Variants in CSMD1 observed in about 807,000 individuals in gnomAD.
The protein encoded by CSMD1 is CUB and sushi domain-containing protein 1.
A neutral mutation model predicts 417.5 loss-of-function variants in CSMD1; 213 were observed. The observed-to-expected ratio is 0.51, with a 90% CI of 0.46 to 0.57. The LOEUF (loss-of-function observed/expected upper bound fraction) is 0.57, where lower values mean the gene tolerates loss of function less well. CSMD1 is among the 20% of genes least tolerant of loss of function. CSMD1 has a pLI of 0.00. For synonymous variants in CSMD1, 2,862 were observed against 1,736.8 expected, an observed-to-expected ratio of 1.65 and a Z score of -16.11; for missense variants, 6,923 against 4,529.7, an observed-to-expected ratio of 1.53 and a Z score of -15.17.
chr8:4,153,045 C>T (rs1234404788), intron 3 of CSMD1, among the ~76,000 whole-genome samples: 5 of 152,022 alleles, frequency 3.3e-5, no homozygotes, highest in Admixed American at 6.6e-5. Flanking sequence ...TGACTTGTAA[C>T]GTGTTATTAA....
chr8:4,722,366 A>G lies in CSMD1; in HGVS notation c.86-84808T>C, dbSNP rs561051040. On this transcript the variant is annotated intron_variant, in intron 1 of 69. Coordinates refer to ENST00000635120, the MANE Select transcript of CSMD1 (RefSeq NM_033225.6). ...CAGATTTTAATTTTATCAAAGGCAA[A>G]CTTAACTAAATATGGCTACTTCTCC... 1.1e-4 allele frequency among the ~76,000 whole-genome samples: 16 copies of G among 152,268 alleles called. No individual in the cohort carries two copies. In the Middle Eastern group the frequency reaches 0.01, roughly 97 times the overall value.
At chr8:3,632,855 T>A (rs1049718693) in intron 7 of CSMD1, among the ~76,000 whole-genome samples, 4 of 152,214 alleles carry the variant, frequency 2.6e-5, no homozygotes, top group Admixed American at 6.5e-5. Context: ...TGTTCCTGGT[T>A]AGTGATCCTG....
chr8:3,736,867 G>T (rs776252819), intron 6 of CSMD1, among the ~76,000 whole-genome samples: 3 of 152,190 alleles, frequency 2.0e-5, no homozygotes, highest in Non-Finnish European at 4.4e-5. Context: ...ATGGGTGAAA[G>T]CCATGCCTGG....
chr8:3,826,338 A>C (rs1430191420), intron 5 of CSMD1, among the ~76,000 whole-genome samples: 1 of 152,076 alleles, frequency 6.6e-6, no homozygotes, highest in Non-Finnish European at 1.5e-5. Flanking sequence ...GAGCTAAAAG[A>C]ATGTTTGGGT....
chr8:3,890,008 C>A (rs1033427715), intron 5 of CSMD1, among the ~76,000 whole-genome samples: 1 of 151,986 alleles, frequency 6.6e-6, no homozygotes, highest in African/African-American at 2.4e-5. Context: ...ATAGGGAGAT[C>A]CCTTCTCAAA....
chr8:3,524,352 AAG>A (rs1264552547), intron 10 of CSMD1, among the ~76,000 whole-genome samples: 5 of 143,352 alleles, frequency 3.5e-5, no homozygotes, highest in Non-Finnish European at 6.1e-5. Flanking sequence ...CACACCCAGA[AAG>A]ACAGGCGCAC....
chr8:4,758,201 G>C (rs1034427216), intron 1 of CSMD1, among the ~76,000 whole-genome samples: 1 of 152,052 alleles, frequency 6.6e-6, no homozygotes, highest in African/African-American at 2.4e-5. Context: ...GAGTTACCTG[G>C]CTCTGATGCT....
chr8:3,368,476 A>C (rs149787769), intron 19 of CSMD1, among the ~76,000 whole-genome samples: 2 of 152,000 alleles, frequency 1.3e-5, no homozygotes, highest in African/African-American at 2.4e-5. Flanking sequence ...AGCTGCGATT[A>C]CAGGCATGCA....
At chr8:4,148,002 C>T (rs188832965) in intron 3 of CSMD1, among the ~76,000 whole-genome samples, 3 of 152,196 alleles carry the variant, frequency 2.0e-5, no homozygotes, top group South Asian at 2.1e-4. Flanking sequence ...CTTAAAACCA[C>T]GGGTTCCATG....
chr8:3,630,816 A>G (rs2449215), intron 7 of CSMD1, among the ~76,000 whole-genome samples: 57,090 of 152,028 alleles, frequency 0.38, 13,106 homozygotes, highest in East Asian at 0.64. Flanking sequence ...GAAGGTCAAG[A>G]GTTCCATTGC....
At chr8:4,901,694 T>C (rs1804879661) in intron 1 of CSMD1, among the ~76,000 whole-genome samples, 1 of 152,200 alleles carries the variant, frequency 6.6e-6, no homozygotes, top group Admixed American at 6.5e-5. Context: ...GCAGTATGCA[T>C]ACTAGCATAT....
At chr8:4,308,317 T>C (rs987235353) in intron 3 of CSMD1, among the ~76,000 whole-genome samples, 16 of 151,584 alleles carry the variant, frequency 1.1e-4, no homozygotes, top group African/African-American at 3.6e-4. Context: ...ATGTGTGGGG[T>C]GGTGTATCTG....
intron 3 of CSMD1, among the ~76,000 whole-genome samples, chr8:4,271,752 A>G (rs1437509557): frequency 1.3e-5 from 2 of 152,188 alleles, no homozygotes; most frequent in African/African-American, 4.8e-5. Flanking sequence ...ATACTTATAC[A>G]TATAAAACAA....
chr8:4,244,167 A>G (rs969215304), intron 3 of CSMD1, among the ~76,000 whole-genome samples: 1 of 152,190 alleles, frequency 6.6e-6, no homozygotes, highest in African/African-American at 2.4e-5. Context: ...GCAGCTCTGC[A>G]AGTTTCTGGT....
At chr8:3,694,065 T>C (rs67355116) in intron 7 of CSMD1, among the ~76,000 whole-genome samples, 85,655 of 151,114 alleles carry the variant, frequency 0.57, 24,815 homozygotes, top group East Asian at 0.7. Flanking sequence ...AGTGTGTGTG[T>C]GTTGTGTGTG....
intron 2 of CSMD1, among the ~76,000 whole-genome samples, chr8:4,592,772 T>G (rs1800057208): frequency 1.3e-5 from 2 of 152,234 alleles, no homozygotes; most frequent in Admixed American, 1.3e-4. Context: ...TATTTATACT[T>G]AGTTAAAATA....
In CSMD1 at chr8:3,402,892, C is replaced by T. The variant is rs142604454; in HGVS notation, c.2266+3135G>A. The stretch of plus-strand genomic sequence containing the variant: ...TTTATTTTTTGATCATTTTGTTCTA[C>T]GTTAGAGGACTTAAAGATAGACATT... On this transcript the variant is annotated intron_variant, in intron 15 of 69. Transcript: ENST00000635120. Among the ~76,000 whole-genome samples, 15 of 151,814 alleles carry T rather than the reference C, an allele frequency of 9.9e-5. No homozygotes were observed. In the East Asian group the frequency reaches 1.2e-3, roughly 12 times the overall value.
At chr8:3,999,414 T>C (rs1349055878) in intron 4 of CSMD1, among the ~76,000 whole-genome samples, 1 of 152,198 alleles carries the variant, frequency 6.6e-6, no homozygotes, top group African/African-American at 2.4e-5. Flanking sequence ...TCTTCCCAAG[T>C]TGCAAGTTCC....
At chr8:4,731,706 G>A (rs878934541) in intron 1 of CSMD1, among the ~76,000 whole-genome samples, 2 of 152,092 alleles carry the variant, frequency 1.3e-5, no homozygotes, top group Admixed American at 1.3e-4. Context: ...AAGCTCCAAT[G>A]GGTTCACGAG....
Sources: gnomAD v4.1 joint callset for allele counts (sites outside exome capture counted in the v4.1 genomes callset) on GRCh38, gnomAD v4.1.1 for gene constraint, MANE v1.5 for transcripts, NCBI Gene and HGNC (gene_info 2026-07-23, HGNC 2026-07-21) for gene names.